The following IL4I1 variants were observed in gnomAD, a reference collection of about 807,000 sequenced individuals.
The protein encoded by IL4I1 is L-amino-acid oxidase.
Under a neutral mutation model 29.7 loss-of-function variants are expected in IL4I1, and 24 were observed. The observed-to-expected ratio is 0.81, with a 90% CI of 0.59 to 1.14. IL4I1 has a LOEUF of 1.14. Ranked by LOEUF, IL4I1 falls within the 50% of genes most tolerant of loss-of-function variation. The pLI is 0.00. For synonymous variants in IL4I1, 371 were observed against 352.5 expected, an observed-to-expected ratio of 1.05 and a Z score of -0.59; for missense variants, 686 against 785.6, an observed-to-expected ratio of 0.87 and a Z score of 1.52.
intron 5 of IL4I1, 130 bp downstream of exon 5, chr19:49,894,138 C>T (rs2075174187): frequency 2.5e-6 from 2 of 805,384 alleles, no homozygotes; most frequent in Non-Finnish European, 4.0e-6. Flanking sequence ...GAATTTCCAT[C>T]TCCACCAACA....
At chr19:49,909,896 GA>G in intron 2 of IL4I1, 1 of 1,419,950 alleles carries the variant, frequency 7.0e-7, no homozygotes, top group Non-Finnish European at 9.8e-7. Context: ...TAAAGCAGAG[GA>G]AGTGACATTG....
intron 2 of IL4I1, chr19:49,908,488 G>A (rs760298987): frequency 1.5e-5 from 25 of 1,614,122 alleles, no homozygotes; most frequent in Non-Finnish European, 1.9e-5. Flanking sequence ...GCTGTGCATC[G>A]ATGTTCTCAG....
chr19:49,908,970 TGGCGGTGGC>T (rs774781645), intron 2 of IL4I1: 47 of 1,608,118 alleles, frequency 2.9e-5, no homozygotes, highest in Non-Finnish European at 3.7e-5. Flanking sequence ...CTGGTGGTGG[TGGCGGTGGC>T]GGTGGCAGCG....
chr19:49,925,673 G>C (rs550536988), intron 2 of IL4I1, among the ~76,000 whole-genome samples: 1 of 152,310 alleles, frequency 6.6e-6, no homozygotes, highest in East Asian at 1.9e-4. Flanking sequence ...AAGGCATCCG[G>C]AAGGAGCAGA....
chr19:49,889,804 T>A lies in IL4I1; in HGVS notation c.1570A>T (p.Met524Leu). 6.5e-7 allele frequency: 1 copy of A among 1,547,798 alleles called. No individual in the cohort carries two copies. The highest frequency in any genetic ancestry group is 8.7e-7 in the Non-Finnish European group (1 of 1,146,650). Residue 524 changes from methionine (M) to leucine (L), a missense_variant, in exon 8 of 8, where the codon ATG (methionine) becomes TTG (leucine). Transcript: ENST00000391826. ...TASPEGHASD[M>L]EGQGHVHGVA... Reference sequence around the variant, plus strand: ...CCATGCACATGCCCCTGCCCCTCCATGTCAGATGCGTGCCCCTCGGGGCTG... The same window carrying A: ...CCATGCACATGCCCCTGCCCCTCCAAGTCAGATGCGTGCCCCTCGGGGCTG...
At chr19:49,925,578 C>A (rs1364924501) in intron 2 of IL4I1, among the ~76,000 whole-genome samples, 1 of 152,140 alleles carries the variant, frequency 6.6e-6, no homozygotes, top group Admixed American at 6.6e-5. Context: ...CTGTCAAGGT[C>A]ATGAAGGACA....
At position 49,895,190 on chromosome 19, in the gene IL4I1, T is replaced by A; in HGVS notation, c.253-10A>T. 6.2e-7 allele frequency: 1 copy of A among 1,610,312 alleles called. No individual in the cohort carries two copies. The highest frequency in any genetic ancestry group is 1.3e-5 in the African/African-American group (1 of 74,730). On this transcript the variant is annotated splice_polypyrimidine_tract_variant and intron_variant, in intron 3 of 7. Transcript: ENST00000391826. ...CCTCCAGGATGGTGACCTGAGGGAGTCCGTGGGGCGAGGAGGGCCCTTCAG... is the reference window on the plus strand; with the variant it reads ...CCTCCAGGATGGTGACCTGAGGGAGACCGTGGGGCGAGGAGGGCCCTTCAG...
intron 7 of IL4I1, 48 bp from the exon 8 acceptor site, chr19:49,890,648 C>T (rs1274237344): frequency 1.4e-6 from 2 of 1,430,630 alleles, no homozygotes; most frequent in East Asian, 2.5e-5. Flanking sequence ...GGCTCTGCGG[C>T]CCTGCCCCTC....
At chr19:49,907,095 G>GTTAAA (rs2075337631) in intron 2 of IL4I1, 2 of 156,654 alleles carry the variant, frequency 1.3e-5, no homozygotes, top group African/African-American at 2.4e-5. Flanking sequence ...TTTAACAAAT[G>GTTAAA]TGACAGGGAC....
chr19:49,928,051 G>A (rs1248143959), intron 1 of IL4I1: 3 of 152,306 alleles, frequency 2.0e-5, no homozygotes, highest in African/African-American at 7.2e-5. Flanking sequence ...CCTGCCAGGG[G>A]ATGGGGCCTG....
chr19:49,900,445 G>T (rs966817710), upstream of IL4I1, among the ~76,000 whole-genome samples: 2 of 152,036 alleles, frequency 1.3e-5, no homozygotes, highest in Admixed American at 6.6e-5. Flanking sequence ...GCACCACCAC[G>T]CTCAGCTAAT....
At position 49,891,004 on chromosome 19, in the gene IL4I1, AG is replaced by A; in HGVS notation, c.739del (p.Leu247SerfsTer28). On this transcript the variant is annotated frameshift_variant, in exon 7 of 8. Coordinates refer to ENST00000391826, the MANE Select transcript of IL4I1 (RefSeq NM_152899.2). LOFTEE classifies it low-confidence loss of function (END_TRUNC). Reference protein sequence around the residue: ...GFFYLSFAEALRAHSCLSDRL... With the variant: ...GFFYLSFAEAXRAHSCLSDRL... ...GTCGCTGAGGCAGCTGTGGGCCCGGAGGGCCTCGGCGAAGCTGAGATAGAAG... is the reference window on the plus strand; with the variant it reads ...GTCGCTGAGGCAGCTGTGGGCCCGGAGGCCTCGGCGAAGCTGAGATAGAAG... 7.1e-7 allele frequency: 1 copy of A among 1,411,892 alleles called. No individual in the cohort carries two copies. Among genetic ancestry groups the A allele is most frequent in the Non-Finnish European group, 9.5e-7 (1 of 1,058,052 alleles). 87.5% of individuals were successfully genotyped at this position (1,411,892 alleles called of 1,614,324 possible).
At chr19:49,906,883 G>A (rs754900634) in intron 2 of IL4I1, 4 of 152,278 alleles carry the variant, frequency 2.6e-5, no homozygotes, top group Non-Finnish European at 5.9e-5. Context: ...GTATTTCAGA[G>A]AATTCAGCAA....
chr19:49,909,432 A>G, intron 2 of IL4I1: 2 of 1,613,938 alleles, frequency 1.2e-6, no homozygotes, highest in Non-Finnish European at 1.7e-6. Context: ...ACGGTGCTCG[A>G]TATGGCATTA....
intron 7 of IL4I1, 43 bp downstream of exon 7, chr19:49,890,928 T>TGGGGGGGGGGGGGGGGGGGGGGGGGGGG: frequency 1.6e-6 from 1 of 633,210 alleles, no homozygotes. Flanking sequence ...TTTCCCTGAT[T>TGGGGGGGGGGGGGGGGGGGGGGGGGGGG]GCCCCCCGCC....
intron 2 of IL4I1, chr19:49,918,483 G>A (rs571759984): frequency 6.6e-6 from 1 of 152,364 alleles, no homozygotes; most frequent in South Asian, 2.1e-4. Flanking sequence ...CCCAATAGTA[G>A]GGAGGGAGGA....
chr19:49,929,090 A>T (rs2075992419), intron 1 of IL4I1: 1 of 152,352 alleles, frequency 6.6e-6, no homozygotes, highest in Non-Finnish European at 1.5e-5. Context: ...CCCCAGGAGG[A>T]GGGGACCCGG....
Position 49,894,460 on chromosome 19 carries a change from G to T in IL4I1, c.375C>A (p.His125Gln). ...MRMPSSHRIL[H>Q]KLCQGLGLNL... ...TGAGCCCCAGGCCCTGGCAGAGCTTGTGGAGGATCCTGATCAGGGGAGTGG... is the reference window on the plus strand; with the variant it reads ...TGAGCCCCAGGCCCTGGCAGAGCTTTTGGAGGATCCTGATCAGGGGAGTGG... Residue 125 changes from histidine (H) to glutamine (Q), a missense_variant, in exon 5 of 8, where the codon CAC (histidine) becomes CAA (glutamine). By Grantham distance (24) the His-to-Gln change is conservative (BLOSUM62 0). Coordinates refer to ENST00000391826, the MANE Select transcript of IL4I1 (RefSeq NM_152899.2). 1 of 1,614,090 alleles carries T rather than the reference G, an allele frequency of 6.2e-7. No homozygotes were observed. Among genetic ancestry groups the T allele is most frequent in the East Asian group, 2.2e-5 (1 of 44,882 alleles).
At chr19:49,909,641 G>C (rs1490170142) in intron 2 of IL4I1, 1 of 1,614,226 alleles carries the variant, frequency 6.2e-7, no homozygotes, top group Non-Finnish European at 8.5e-7. Flanking sequence ...CAGGCCGGTG[G>C]AAGGGGTACT....
Sources: allele counts gnomAD v4.1 joint callset (sites outside exome capture counted in the v4.1 genomes callset), GRCh38; gene constraint gnomAD v4.1.1; transcripts MANE v1.5; gene names NCBI Gene and HGNC (gene_info 2026-07-23, HGNC 2026-07-21).